The following MUSK variants were observed in gnomAD, a reference collection of about 807,000 sequenced individuals.
MUSK encodes the protein muscle associated receptor tyrosine kinase, also known as muscle, skeletal receptor tyrosine-protein kinase.
In MUSK, 55 loss-of-function variants were observed where a neutral mutation model predicts 88.7. That is an observed-to-expected ratio of 0.62 (90% CI 0.50 to 0.78). MUSK has a LOEUF of 0.78. MUSK is among the 30% of genes least tolerant of loss of function. MUSK has a pLI of 0.00. For missense variants in MUSK, 1,015 were observed against 1,074.3 expected (o/e 0.94, Z 0.77); for synonymous variants, 387 against 391.9 (o/e 0.99, Z 0.15).
intron 3 of MUSK, among the ~76,000 whole-genome samples, chr9:110,687,775 C>G (rs892106553): frequency 1.3e-5 from 2 of 152,078 alleles, no homozygotes; most frequent in Admixed American, 1.3e-4. Flanking sequence ...AACCACTACC[C>G]TAAGGCAAGC....
At chr9:110,745,744 C>T (rs1408533052) in intron 6 of MUSK, among the ~76,000 whole-genome samples, 1 of 152,194 alleles carries the variant, frequency 6.6e-6, no homozygotes, top group Non-Finnish European at 1.5e-5. Context: ...CTAGGTTGCT[C>T]ATCTGGGGAA....
At chr9:110,717,213 T>C (rs2076755628) in intron 5 of MUSK, among the ~76,000 whole-genome samples, 1 of 149,734 alleles carries the variant, frequency 6.7e-6, no homozygotes, top group Non-Finnish European at 1.5e-5. Context: ...TTCTGGTAGA[T>C]CATTATATAT....
intron 5 of MUSK, among the ~76,000 whole-genome samples, chr9:110,721,693 T>C (rs947631300): frequency 2.6e-5 from 4 of 152,112 alleles, no homozygotes; most frequent in Middle Eastern, 3.2e-3. Flanking sequence ...TTCAATGCAA[T>C]TCCCATGGAA....
intron 7 of MUSK, 103 bp from the exon 8 acceptor site, chr9:110,762,099 T>C (rs1490079057): frequency 3.6e-6 from 4 of 1,107,744 alleles, no homozygotes; most frequent in South Asian, 6.6e-5. Flanking sequence ...AGATCAGTAG[T>C]ATCAAAACAA....
At chr9:110,777,522 A>G (rs190286010) in intron 11 of MUSK, among the ~76,000 whole-genome samples, 7 of 152,242 alleles carry the variant, frequency 4.6e-5, no homozygotes, top group African/African-American at 1.7e-4. Context: ...TTAAAAATCT[A>G]TTATTCTGGT....
chr9:110,702,241 A>G (rs1185991569), intron 5 of MUSK, among the ~76,000 whole-genome samples: 1 of 152,084 alleles, frequency 6.6e-6, no homozygotes, highest in Non-Finnish European at 1.5e-5. Flanking sequence ...TGCAAAAACC[A>G]TAAGCTCAAT....
intron 5 of MUSK, among the ~76,000 whole-genome samples, chr9:110,722,161 C>G (rs1157049354): frequency 6.6e-6 from 1 of 152,080 alleles, no homozygotes; most frequent in Non-Finnish European, 1.5e-5. Flanking sequence ...ATCAGAAAAA[C>G]TCTTCTAGAC....
At chr9:110,682,573 C>T in intron 1 of MUSK, 101 bp from the exon 2 acceptor site, 1 of 1,194,746 alleles carries the variant, frequency 8.4e-7, no homozygotes, top group Non-Finnish European at 1.2e-6. Context: ...TCTGGGGAAA[C>T]AGAATTCTCA....
At chr9:110,772,834 T>C (rs1455200067) in intron 9 of MUSK, among the ~76,000 whole-genome samples, 1 of 152,140 alleles carries the variant, frequency 6.6e-6, no homozygotes, top group African/African-American at 2.4e-5. Context: ...TTTTTTGTTA[T>C]ATCTTTTGAA....
In MUSK at chr9:110,668,794, C is replaced by A; in HGVS notation, c.-111C>A. 1 of 807,406 alleles carries A rather than the reference C, an allele frequency of 1.2e-6. No homozygotes were observed. The highest frequency in any genetic ancestry group is 2.1e-6 in the Non-Finnish European group (1 of 467,544). 50.0% of individuals were successfully genotyped at this position (807,406 alleles called of 1,614,324 possible). A position where few individuals can be genotyped will look rare whatever the true frequency, so the allele number is the denominator to read the frequency against. On this transcript the variant is annotated 5_prime_UTR_variant, in exon 1 of 15. Coordinates refer to ENST00000374448, the MANE Select transcript of MUSK (RefSeq NM_005592.4). The stretch of plus-strand genomic sequence containing the variant: ...CTGTGGAGCTGCTGACACAAACAGT[C>A]ATTAGCAGACAACCCTTTTGCAACA...
intron 7 of MUSK, among the ~76,000 whole-genome samples, chr9:110,748,350 C>A (rs1380652133): frequency 1.3e-5 from 2 of 152,102 alleles, no homozygotes; most frequent in Non-Finnish European, 2.9e-5. Flanking sequence ...TTCTGCATGG[C>A]TATTTCTTGC....
At chr9:110,755,927 T>TA (rs1364873895) in intron 7 of MUSK, among the ~76,000 whole-genome samples, 2 of 96,038 alleles carry the variant, frequency 2.1e-5, no homozygotes, top group African/African-American at 8.5e-5. Context: ...GTGCCATATA[T>TA]ATATACATAT....
At position 110,767,976 on chromosome 9, in the gene MUSK, G is replaced by A; in HGVS notation, c.1077G>A (p.Leu359=). The A allele has an allele frequency of 6.2e-7, 1 of 1,613,986 alleles. No individual in the cohort carries two copies. The highest frequency in any genetic ancestry group is 8.5e-7 in the Non-Finnish European group (1 of 1,179,888). Residue 359 remains leucine, a synonymous_variant, in exon 9 of 15, where the codon CTG becomes CTA. Transcript: ENST00000374448. ...TGGTCCACACGGCCTGGAATGAACT[G>A]AAAGTAGTGAGCCCAGTCTGCCGGC... ...ELLVHTAWNE[L]KVVSPVCRPA... is the part of the protein sequence containing the mutation.
chr9:110,721,406 A>G (rs1476726391), intron 5 of MUSK, among the ~76,000 whole-genome samples: 1 of 152,166 alleles, frequency 6.6e-6, no homozygotes, highest in Non-Finnish European at 1.5e-5. Context: ...AGGATACAAA[A>G]TTAATGTACA....
At position 110,682,731 on chromosome 9, in the gene MUSK, C is replaced by G. The variant is rs1319209652; in HGVS notation, c.137C>G (p.Thr46Ser). 1.2e-6 allele frequency: 2 copies of G among 1,612,912 alleles called. No homozygotes were observed. The highest frequency in any genetic ancestry group is 3.3e-5 in the Admixed American group (2 of 59,958). Residue 46 changes from threonine (T) to serine (S), a missense_variant, in exon 2 of 15, where the codon ACT (threonine) becomes AGT (serine). Coordinates refer to ENST00000374448, the MANE Select transcript of MUSK (RefSeq NM_005592.4). ...TVDALVEEVA[T>S]FMCAVESYPQ... ...GATGCCTTAGTTGAAGAAGTGGCTACTTTCATGTGTGCAGTGGAATCCTAC... is the reference window on the plus strand; with the variant it reads ...GATGCCTTAGTTGAAGAAGTGGCTAGTTTCATGTGTGCAGTGGAATCCTAC...
chr9:110,695,468 T>C lies in MUSK; in HGVS notation c.424T>C (p.Cys142Arg). 2 of 1,556,056 alleles carry C rather than the reference T, an allele frequency of 1.3e-6. No individual in the cohort carries two copies. The highest frequency in any genetic ancestry group is 1.7e-4 in the Middle Eastern group (1 of 5,988). Residue 142 changes from cysteine (C) to arginine (R), a missense_variant, in exon 4 of 15, where the codon TGT (cysteine) becomes CGT (arginine). Transcript: ENST00000374448. ...IIEGLKAVLP[C>R]TTMGNPKPSV... ...AGAGGGATTAAAAGCAGTCCTACCA[T>C]GTACTACAATGGGTAATCCCAAACC...
Position 110,747,698 on chromosome 9 carries a change from C to G in MUSK, c.811C>G (p.Gln271Glu). ...VKDRVIDSRL[Q>E]LFITKPGLYT... ...AGACCGAGTGATTGACTCAAGACTG[C>G]AGCTGTTTATCACCAAGCCAGGACT... Residue 271 changes from glutamine to glutamate, a missense_variant, in exon 7 of 15, where the codon CAG becomes GAG. Physicochemically the swap from Gln to Glu is conservative, Grantham distance 29. Transcript: ENST00000374448. 6.2e-7 allele frequency: 1 copy of G among 1,613,774 alleles called. No homozygotes were observed. Among genetic ancestry groups the G allele is most frequent in the Non-Finnish European group, 8.5e-7 (1 of 1,179,752 alleles).
At chr9:110,762,959 A>C (rs1588006757) in intron 8 of MUSK, among the ~76,000 whole-genome samples, 1 of 152,200 alleles carries the variant, frequency 6.6e-6, no homozygotes, top group African/African-American at 2.4e-5. Context: ...ACCACTGAGA[A>C]TAGATTTTAA....
At chr9:110,743,344 A>G in intron 6 of MUSK, among the ~76,000 whole-genome samples, 1 of 152,222 alleles carries the variant, frequency 6.6e-6, no homozygotes, top group African/African-American at 2.4e-5. Context: ...TTCACAGATG[A>G]AGTTCAGAGT....
Sources: allele counts gnomAD v4.1 joint callset (sites outside exome capture counted in the v4.1 genomes callset), GRCh38; gene constraint gnomAD v4.1.1; transcripts MANE v1.5; gene names NCBI Gene and HGNC (gene_info 2026-07-23, HGNC 2026-07-21).